Variants in RIOX2 observed in about 807,000 individuals in gnomAD.
The protein encoded by RIOX2 is 60S ribosomal protein L27a histidine hydroxylase.
In RIOX2, 43 loss-of-function variants were observed where a neutral mutation model predicts 51.2. The ratio of observed to expected loss-of-function variants is 0.84; its 90% CI spans 0.66 to 1.08. RIOX2 has a LOEUF of 1.08. RIOX2 is among the 50% of genes least tolerant of loss of function. RIOX2 has a pLI of 0.00. For synonymous variants in RIOX2, 226 were observed against 218.5 expected (o/e 1.03, Z -0.30); for missense variants, 566 against 561.7 (o/e 1.01, Z -0.08).
intron 2 of RIOX2, among the ~76,000 whole-genome samples, chr3:97,965,521 A>AT (rs546710934): frequency 3.3e-5 from 5 of 152,192 alleles, no homozygotes; most frequent in African/African-American, 1.2e-4. Context: ...CAAAAAAAAA[A>AT]AAAAAAGGCA....
intron 2 of RIOX2, among the ~76,000 whole-genome samples, chr3:97,962,335 T>G: frequency 7.2e-6 from 1 of 138,462 alleles, no homozygotes; most frequent in East Asian, 2.2e-4. Flanking sequence ...ATATTAGGAA[T>G]GTTAAGTTTG....
In RIOX2 at chr3:97,967,450, G is replaced by A. The variant is rs748973103; in HGVS notation, c.144C>T (p.Pro48=). Residue 48 remains proline (P), a synonymous_variant, in exon 2 of 10, where the codon CCC becomes CCT. Coordinates refer to ENST00000394198, the MANE Select transcript of RIOX2 (RefSeq NM_153182.4). The part of the protein sequence containing the change: ...PSSLFESLIS[P]IKTETFFKEF... ...CCTTGAAAAAAGTCTCTGTCTTGAT[G>A]GGCGAGATTAAACTTTCAAAGAGAC... 6.2e-7 allele frequency: 1 copy of A among 1,614,126 alleles called. No homozygotes were observed. Among genetic ancestry groups the A allele is most frequent in the African/African-American group, 1.3e-5 (1 of 75,014 alleles).
Position 97,950,711 on chromosome 3 carries a change from G to T in RIOX2, c.888+75C>A, listed in dbSNP as rs1461915148. The T allele has an allele frequency of 7.1e-6, 8 of 1,122,366 alleles. No individual in the cohort carries two copies. The East Asian group carries it at 1.2e-4, about 17-fold the overall frequency. 69.5% of individuals were successfully genotyped at this position (1,122,366 alleles called of 1,614,324 possible). On this transcript the variant is annotated intron_variant, in intron 6 of 9. Transcript: ENST00000394198. Reference sequence around the variant, plus strand: ...GCTCATGTTGGAAGAAGTATCCTGGGGTCCTTAAGGTAGGACTTCAGCTGG... The same window carrying T: ...GCTCATGTTGGAAGAAGTATCCTGGTGTCCTTAAGGTAGGACTTCAGCTGG...
intron 7 of RIOX2, 63 bp downstream of exon 7, chr3:97,949,781 C>A (rs1466095575): frequency 6.0e-6 from 9 of 1,491,138 alleles, no homozygotes; most frequent in Non-Finnish European, 9.2e-7. Flanking sequence ...GGAGCCTACC[C>A]AGAAAAACCG....
chr3:97,947,526 T>C (rs1559755532), intron 7 of RIOX2, 77 bp from the exon 8 acceptor site: 6 of 1,054,886 alleles, frequency 5.7e-6, no homozygotes, highest in East Asian at 2.4e-5. Context: ...TACATACACA[T>C]AGGAAACACA....
intron 4 of RIOX2, among the ~76,000 whole-genome samples, chr3:97,956,036 GCCTAGGGC>G (rs1705438541): frequency 6.6e-6 from 1 of 152,202 alleles, no homozygotes; most frequent in South Asian, 2.1e-4. Flanking sequence ...GAATGGGAGA[GCCTAGGGC>G]CCTACTGTAC....
chr3:97,961,505 G>A (rs1705671920), intron 3 of RIOX2, 84 bp downstream of exon 3: 2 of 1,431,958 alleles, frequency 1.4e-6, no homozygotes, highest in East Asian at 2.4e-5. Context: ...AGAGAATAAT[G>A]TGAACTCACC....
intron 2 of RIOX2, among the ~76,000 whole-genome samples, chr3:97,965,500 A>C (rs1705855040): frequency 6.6e-6 from 1 of 151,466 alleles, no homozygotes; most frequent in South Asian, 2.1e-4. Flanking sequence ...CAACAGAGCA[A>C]GACTCTGTCT....
intron 4 of RIOX2, 37 bp downstream of exon 4, chr3:97,959,014 C>A: frequency 6.4e-7 from 1 of 1,568,906 alleles, no homozygotes; most frequent in Non-Finnish European, 8.7e-7. Flanking sequence ...ACCACAATGG[C>A]TCTAACAATG....
rs539694701 is a variant in RIOX2, at chr3:97,943,371, T to C, written c.*1813A>G. The C allele has an allele frequency of 4.0e-6, 4 of 997,188 alleles. No homozygotes were observed. In the South Asian group the frequency reaches 4.1e-5, roughly 10 times the overall value. The allele number at this position is 997,188 out of a possible 1,614,324, so 61.8% of individuals were successfully genotyped here. ...AAGAGCAAAGAAGGAAACACATCTGTCATTGTCTTGTGGACGTGGAAAGGA... is the reference window on the plus strand; with the variant it reads ...AAGAGCAAAGAAGGAAACACATCTGCCATTGTCTTGTGGACGTGGAAAGGA... On this transcript the variant is annotated 3_prime_UTR_variant, in exon 10 of 10. Coordinates refer to ENST00000394198, the MANE Select transcript of RIOX2 (RefSeq NM_153182.4).
At position 97,959,260 on chromosome 3, in the gene RIOX2, T is replaced by C. The variant is rs118155003; in HGVS notation, c.553-81A>G. ...AAGTGCTTCCGGACTATTAGCCCTC[T>C]AAGGGGCTAATAGACAAATATATAG... On this transcript the variant is annotated intron_variant, in intron 3 of 9. Transcript: ENST00000394198. The C allele has an allele frequency of 1.2e-3, 1,665 of 1,334,026 alleles. 39 individuals carry two copies. In the East Asian group the frequency reaches 0.042, roughly 33 times the overall value. 82.6% of individuals were successfully genotyped at this position (1,334,026 alleles called of 1,614,324 possible). A position where few individuals can be genotyped will look rare whatever the true frequency, so the allele number is the denominator to read the frequency against.
At chr3:97,954,873 G>A (rs571183167) in intron 4 of RIOX2, among the ~76,000 whole-genome samples, 1 of 152,314 alleles carries the variant, frequency 6.6e-6, no homozygotes, top group South Asian at 2.1e-4. Flanking sequence ...GTAGGAGCTT[G>A]AATTTAGAGT....
Position 97,959,112 on chromosome 3 carries a change from C to A in RIOX2, c.620G>T (p.Arg207Leu). 1 of 1,613,994 alleles carries A rather than the reference C, an allele frequency of 6.2e-7. No individual in the cohort carries two copies. Among genetic ancestry groups the A allele is most frequent in the Non-Finnish European group, 8.5e-7 (1 of 1,179,964 alleles). ...RLYHPTVPLA[R>L]EYSVEAEERI... ...TTCCTCGGCCTCCACGCTGTACTCT[C>A]GTGCCAGGGGCACAGTGGGGTGGTA... Residue 207 changes from arginine to leucine, a missense_variant, in exon 4 of 10, where the codon CGA becomes CTA. Physicochemically the swap from Arg to Leu is moderately radical, Grantham distance 102 (BLOSUM62 -2). Transcript: ENST00000394198.
At position 97,961,623 on chromosome 3, in the gene RIOX2, G is replaced by A; in HGVS notation, c.518C>T (p.Ser173Phe). Residue 173 changes from serine (S) to phenylalanine (F), a missense_variant, in exon 3 of 10, where the codon TCT becomes TTT. Ser to Phe is a radical substitution (Grantham distance 155, BLOSUM62 -2). Transcript: ENST00000394198. ...ATCATAATGGGGCGGCAGGCCCTGA[G>A]ATCCTGCGGGAGTTATGTACACATT... ...GSNVYITPAG[S>F]QGLPPHYDDV... is the part of the protein sequence containing the mutation. The A allele has an allele frequency of 6.2e-7, 1 of 1,609,758 alleles. No homozygotes were observed. Among genetic ancestry groups the A allele is most frequent in the East Asian group, 2.2e-5 (1 of 44,738 alleles).
At chr3:97,960,339 A>G (rs1705628126) in intron 3 of RIOX2, among the ~76,000 whole-genome samples, 1 of 152,270 alleles carries the variant, frequency 6.6e-6, no homozygotes, top group South Asian at 2.1e-4. Flanking sequence ...TAAACACAAT[A>G]TTAAAAATAC....
intron 2 of RIOX2, among the ~76,000 whole-genome samples, chr3:97,964,959 A>T (rs1202400348): frequency 6.6e-6 from 1 of 151,950 alleles, no homozygotes; most frequent in Non-Finnish European, 1.5e-5. Flanking sequence ...AACTAACTAT[A>T]CTAATAAGCT....
intron 6 of RIOX2, 33 bp from the exon 7 acceptor site, chr3:97,950,048 GC>G: frequency 2.5e-6 from 4 of 1,610,964 alleles, no homozygotes; most frequent in Non-Finnish European, 3.4e-6. Flanking sequence ...TGGCCCAGAT[GC>G]CAGCAGAACT....
chr3:97,953,973 CAA>C (rs1333817580), intron 5 of RIOX2: 1 of 164,950 alleles, frequency 6.1e-6, no homozygotes, highest in African/African-American at 2.4e-5. Context: ...GATGGCTGCA[CAA>C]GAGTGTGAAT....
At chr3:97,947,921 T>G (rs1261671524) in intron 7 of RIOX2, among the ~76,000 whole-genome samples, 4 of 152,192 alleles carry the variant, frequency 2.6e-5, no homozygotes, top group Non-Finnish European at 4.4e-5. Context: ...TCAAGAATAG[T>G]ATCCTATAAA....
Sources: allele counts gnomAD v4.1 joint callset (sites outside exome capture counted in the v4.1 genomes callset), GRCh38; gene constraint gnomAD v4.1.1; transcripts MANE v1.5; gene names NCBI Gene and HGNC (gene_info 2026-07-23, HGNC 2026-07-21).